SFMBT1: variants seen among roughly 807,000 people sequenced by gnomAD.
SFMBT1 encodes the protein Scm like with four mbt domains 1, also known as scm-like with four MBT domains protein 1.
Under a neutral mutation model 108.7 loss-of-function variants are expected in SFMBT1, and 32 were observed. That is an observed-to-expected ratio of 0.29 (90% confidence interval 0.22 to 0.40). The LOEUF is 0.40. Ranked by LOEUF, SFMBT1 falls within the 10% of genes least tolerant of loss-of-function variation. SFMBT1 has a pLI of 1.00. For missense variants in SFMBT1, 816 were observed against 1,059.6 expected (o/e 0.77, Z 3.19); for synonymous variants, 348 against 369.5 (o/e 0.94, Z 0.67).
chr3:52,976,392 T>C (rs1420807461), intron 1 of SFMBT1, among the ~76,000 whole-genome samples: 4 of 152,258 alleles, frequency 2.6e-5, no homozygotes, highest in Middle Eastern at 3.4e-3. Context: ...CGTGAAAGGA[T>C]ACAAACAAAT....
At chr3:52,955,884 G>C (rs1227803982) in intron 2 of SFMBT1, among the ~76,000 whole-genome samples, 2 of 152,176 alleles carry the variant, frequency 1.3e-5, no homozygotes, top group Admixed American at 6.5e-5. Context: ...ACCAAAACCT[G>C]TCAGAGAAAC....
At chr3:53,023,767 TC>T (rs1302688971) in intron 1 of SFMBT1, among the ~76,000 whole-genome samples, 7 of 152,190 alleles carry the variant, frequency 4.6e-5, no homozygotes, top group Admixed American at 2.6e-4. Flanking sequence ...TCCCTTTTGT[TC>T]CTACAGCCCT....
chr3:53,026,929 CG>C (rs1559554594), intron 1 of SFMBT1, among the ~76,000 whole-genome samples: 1 of 152,048 alleles, frequency 6.6e-6, no homozygotes, highest in African/African-American at 2.4e-5. Context: ...ACTACACAAT[CG>C]TGCCACCGCA....
intron 5 of SFMBT1, 73 bp from the exon 6 acceptor site, chr3:52,932,381 T>C: frequency 5.4e-6 from 8 of 1,476,916 alleles, no homozygotes; most frequent in Non-Finnish European, 7.3e-6. Flanking sequence ...AACTTATAAA[T>C]GATCTCAAAC....
chr3:53,001,925 TCACACACA>T (rs59572829), intron 1 of SFMBT1, among the ~76,000 whole-genome samples: 4,308 of 129,216 alleles, frequency 0.033, 323 homozygotes, highest in Non-Finnish European at 0.05. Flanking sequence ...ACCCAGTCTC[TCACACACA>T]CACACACACA....
At chr3:53,014,480 ACAAAACAAAAC>A (rs1699061509) in intron 1 of SFMBT1, among the ~76,000 whole-genome samples, 1 of 444 alleles carries the variant, frequency 2.3e-3, no homozygotes, top group African/African-American at 2.7e-3. Flanking sequence ...TTTAAAAAAA[ACAAAACAAAAC>A]AAAACAAAAC....
At position 52,969,156 on chromosome 3, in the gene SFMBT1, C is replaced by A; in HGVS notation, c.-28G>T. On this transcript the variant is annotated 5_prime_UTR_variant, in exon 2 of 21. The change creates a new upstream start codon in the 5' untranslated region. Coordinates refer to ENST00000394752, the MANE Select transcript of SFMBT1 (RefSeq NM_016329.4). ...CCACAGCATATAGGCAGGCTATATC[C>A]TCCCAAAACAAAGGAAAGGCCTATG... 1.2e-6 allele frequency: 2 copies of A among 1,613,342 alleles called. No homozygotes were observed. Among genetic ancestry groups the A allele is most frequent in the African/African-American group, 2.7e-5 (2 of 74,998 alleles).
chr3:52,933,630 T>C (rs896722576), intron 5 of SFMBT1, among the ~76,000 whole-genome samples: 5 of 152,210 alleles, frequency 3.3e-5, no homozygotes, highest in African/African-American at 1.2e-4. Flanking sequence ...CATTAAAATG[T>C]TACTGAGTTT....
intron 9 of SFMBT1, among the ~76,000 whole-genome samples, chr3:52,926,610 CTT>C (rs1278996374): frequency 1.3e-5 from 2 of 152,168 alleles, no homozygotes; most frequent in Non-Finnish European, 2.9e-5. Context: ...TACAAATCCT[CTT>C]GTCATTTTCA....
At chr3:52,962,199 A>G (rs921362534) in intron 2 of SFMBT1, among the ~76,000 whole-genome samples, 2 of 152,254 alleles carry the variant, frequency 1.3e-5, no homozygotes, top group African/African-American at 4.8e-5. Flanking sequence ...AAAATTACAT[A>G]TGTATTTACC....
rs1429908072 is a variant in SFMBT1 at position 53,041,003 on chromosome 3, T to TG, written c.-131+4812dup. Among the ~76,000 whole-genome samples, 397 of 98,004 alleles carry TG rather than the reference T, an allele frequency of 4.1e-3. 8 individuals carry two copies. The highest frequency in any genetic ancestry group is 0.015 in the African/African-American group (381 of 24,636). The allele number at this position is 98,004 out of a possible 152,430, so 64.3% of individuals were successfully genotyped here. A position where few individuals can be genotyped will look rare whatever the true frequency, so the allele number is the denominator to read the frequency against. On this transcript the variant is annotated intron_variant, in intron 1 of 20. Coordinates refer to ENST00000394752, the MANE Select transcript of SFMBT1 (RefSeq NM_016329.4). Reference sequence around the variant, plus strand: ...TTTTTTTTTTTTTTTTTTTTTTTTTTGTAGAGACAGGGCTTCCCTATGTTG... The same window carrying TG: ...TTTTTTTTTTTTTTTTTTTTTTTTTTGGTAGAGACAGGGCTTCCCTATGTTG...
chr3:52,951,858 T>C (rs1703605872), intron 3 of SFMBT1, among the ~76,000 whole-genome samples: 1 of 152,196 alleles, frequency 6.6e-6, no homozygotes, highest in Non-Finnish European at 1.5e-5. Flanking sequence ...ATAGACATGT[T>C]ACAGTGCTGC....
chr3:52,924,423 T>C (rs2710342), intron 10 of SFMBT1, among the ~76,000 whole-genome samples: 107,322 of 151,960 alleles, frequency 0.71, 38,331 homozygotes, highest in South Asian at 0.87. Flanking sequence ...GGGAAGATCA[T>C]CTGAGGTCAG....
intron 1 of SFMBT1, among the ~76,000 whole-genome samples, chr3:52,991,506 G>A (rs941651661): frequency 2.7e-4 from 41 of 151,426 alleles, no homozygotes; most frequent in Non-Finnish European, 2.1e-4. Context: ...CACCATGCCT[G>A]GCTAATTTTT....
At chr3:52,984,980 C>T (rs1233709550) in intron 1 of SFMBT1, among the ~76,000 whole-genome samples, 3 of 152,036 alleles carry the variant, frequency 2.0e-5, no homozygotes, top group African/African-American at 7.3e-5. Flanking sequence ...TTTCACTGTA[C>T]CAGAATATGT....
intron 10 of SFMBT1, among the ~76,000 whole-genome samples, chr3:52,924,567 G>A (rs1702604140): frequency 6.6e-6 from 1 of 152,012 alleles, no homozygotes. Context: ...TATTGAACCC[G>A]GGAGGCGGAG....
intron 1 of SFMBT1, among the ~76,000 whole-genome samples, chr3:52,984,796 A>G (rs1400677437): frequency 6.7e-6 from 1 of 149,568 alleles, no homozygotes; most frequent in African/African-American, 2.5e-5. Context: ...GATTCATACT[A>G]TAATGAGTTT....
At chr3:53,025,793 T>C (rs2106949504) in intron 1 of SFMBT1, among the ~76,000 whole-genome samples, 1 of 152,322 alleles carries the variant, frequency 6.6e-6, no homozygotes. Context: ...CTTTGCTGAC[T>C]GCTGCCTCCA....
intron 1 of SFMBT1, among the ~76,000 whole-genome samples, chr3:52,971,899 C>A (rs116248531): frequency 6.6e-6 from 1 of 152,110 alleles, no homozygotes; most frequent in Non-Finnish European, 1.5e-5. Flanking sequence ...AGCATGCAAA[C>A]CAACAGAATA....
Sources: allele counts gnomAD v4.1 joint callset (sites outside exome capture counted in the v4.1 genomes callset), GRCh38; gene constraint gnomAD v4.1.1; transcripts MANE v1.5; gene names NCBI Gene and HGNC (gene_info 2026-07-23, HGNC 2026-07-21).